CD36: variants seen among roughly 807,000 people sequenced by gnomAD.
CD36 encodes platelet glycoprotein 4.
In CD36, 119 loss-of-function variants were observed where a neutral mutation model predicts 55.2. That is an observed-to-expected ratio of 2.15 (90% CI 1.86 to 2.51). CD36 has a LOEUF of 2.51. CD36 is among the 30% of genes most tolerant of loss of function. CD36 has a pLI of 0.00. For synonymous variants in CD36, 186 were observed against 193.6 expected, an observed-to-expected ratio of 0.96 and a Z score of 0.33; for missense variants, 819 against 555.5, an observed-to-expected ratio of 1.47 and a Z score of -4.77.
Position 80,661,115 on chromosome 7 carries a change from GTC to G in CD36, c.338_339del (p.Ser113PhefsTer20), listed in dbSNP as rs760505238. ...NVTQDAEDNT[V>X]SFLQPNGAIF... The stretch of plus-strand genomic sequence containing the variant: ...AACCCAGGACGCTGAGGACAACACA[GTC>G]TCTTTCCTGCAGCCCAATGGTGCCA... On this transcript the variant is annotated frameshift_variant, in exon 5 of 15. Coordinates refer to ENST00000447544, the MANE Select transcript of CD36 (RefSeq NM_001001548.3). LOFTEE classifies it high-confidence loss of function. 65 of 1,613,824 alleles carry G rather than the reference GTC, an allele frequency of 4.0e-5. No individual in the cohort carries two copies. The Middle Eastern group carries it at 4.9e-4, about 12-fold the overall frequency.
chr7:80,612,760 C>G (rs1181744226), intron 1 of CD36, among the ~76,000 whole-genome samples: 5 of 151,992 alleles, frequency 3.3e-5, no homozygotes, highest in Non-Finnish European at 5.9e-5. Context: ...TATGTATTCA[C>G]TGTGTCTTAA....
upstream of CD36, chr7:80,638,567 T>G: frequency 6.9e-6 from 1 of 145,520 alleles, no homozygotes; most frequent in African/African-American, 2.5e-5. Context: ...CACTGTAGAG[T>G]GCTTTCTCTT....
chr7:80,659,166 A>C (rs1796326953), intron 4 of CD36, among the ~76,000 whole-genome samples: 1 of 152,178 alleles, frequency 6.6e-6, no homozygotes, highest in South Asian at 2.1e-4. Flanking sequence ...TTTAGAAAAA[A>C]AATTAACACT....
intron 6 of CD36, among the ~76,000 whole-genome samples, chr7:80,663,915 A>G (rs1175786965): frequency 1.3e-5 from 2 of 152,154 alleles, no homozygotes; most frequent in Non-Finnish European, 2.9e-5. Context: ...GTAGAAAGCC[A>G]TAATGAATCA....
At chr7:80,665,771 G>A (rs1438181749) in intron 7 of CD36, 2 of 152,060 alleles carry the variant, frequency 1.3e-5, no homozygotes, top group Non-Finnish European at 2.9e-5. Flanking sequence ...TCACTGTCAG[G>A]AGTGGAAAAA....
intron 1 of CD36, among the ~76,000 whole-genome samples, chr7:80,626,980 T>A: frequency 6.6e-6 from 1 of 152,032 alleles, no homozygotes; most frequent in East Asian, 1.9e-4. Flanking sequence ...TCCAACTTTT[T>A]GTTTTTATCA....
Position 80,661,847 on chromosome 7 carries a change from G to A in CD36, c.429+637G>A, listed in dbSNP as rs35268194. Among the ~76,000 whole-genome samples the A allele has an allele frequency of 2.0e-5, 3 of 152,226 alleles. No homozygotes were observed. In the South Asian group the frequency reaches 6.2e-4, roughly 32 times the overall value. ...GTCTATTGTTTGGAAAGTCGAATTC[G>A]GCTATTTGCTTGGGGCTCTAGAGAC... On this transcript the variant is annotated intron_variant, in intron 5 of 14. Coordinates refer to ENST00000447544, the MANE Select transcript of CD36 (RefSeq NM_001001548.3).
chr7:80,621,026 AT>A (rs1211314680), intron 1 of CD36, among the ~76,000 whole-genome samples: 2 of 152,156 alleles, frequency 1.3e-5, no homozygotes, highest in African/African-American at 4.8e-5. Flanking sequence ...GGCAAACTTT[AT>A]TGTCTCATTT....
chr7:80,661,196 A>G lies in CD36; in HGVS notation c.415A>G (p.Asn139Asp), dbSNP rs1395713119. 6.8e-6 allele frequency: 11 copies of G among 1,613,924 alleles called. No individual in the cohort carries two copies. Among genetic ancestry groups the G allele is most frequent in the African/African-American group, 4.0e-5 (3 of 74,934 alleles). Residue 139 changes from asparagine (N) to aspartate (D), a missense_variant, in exon 5 of 15, where the codon AAT (asparagine) becomes GAT (aspartate). Asn to Asp is a conservative substitution (Grantham distance 23). Coordinates refer to ENST00000447544, the MANE Select transcript of CD36 (RefSeq NM_001001548.3). Reference protein sequence around the residue: ...GTEADNFTVLNLAVAAASHIY... With the variant: ...GTEADNFTVLDLAVAAASHIY... ...AGAGGCTGACAACTTCACAGTTCTC[A>G]ATCTGGCTGTGGCAGTGAGTAGACA... is the stretch of plus-strand genomic sequence containing the variant.
rs1303903309 is a variant in CD36 at position 80,678,459 on chromosome 7, G to T, written c.*2076G>T. 6.6e-6 allele frequency: 1 copy of T among 152,142 alleles called. No individual in the cohort carries two copies. Among genetic ancestry groups the T allele is most frequent in the Non-Finnish European group, 1.5e-5 (1 of 68,022 alleles). The allele number at this position is 152,142 out of a possible 1,614,324, so 9.4% of individuals were successfully genotyped here. A position where few individuals can be genotyped will look rare whatever the true frequency, so the allele number is the denominator to read the frequency against. ...CTAACAAGTGCATGAAGAAATAGAA[G>T]AAGCTATGTAGCTTTCAGTTCTGAC... On this transcript the variant is annotated 3_prime_UTR_variant, in exon 15 of 15. Coordinates refer to ENST00000447544, the MANE Select transcript of CD36 (RefSeq NM_001001548.3).
Position 80,656,657 on chromosome 7 carries a change from A to T in CD36, c.238A>T (p.Ser80Cys). 2 of 1,613,808 alleles carry T rather than the reference A, an allele frequency of 1.2e-6. No individual in the cohort carries two copies. Among genetic ancestry groups the T allele is most frequent in the Non-Finnish European group, 8.5e-7 (1 of 1,179,788 alleles). The change falls in exon 4 of 15, where the codon AGC (serine) becomes TGC (cysteine). Residue 80 changes from serine (S) to cysteine (C), a missense_variant. Coordinates refer to ENST00000447544, the MANE Select transcript of CD36 (RefSeq NM_001001548.3). ...VQNPQEVMMN[S>C]SNIQVKQRGP... ...AAATCCACAGGAAGTGATGATGAAC[A>T]GCAGCAACATTCAAGTTAAGCAAAG...
chr7:80,640,047 G>A (rs901065338), intron 1 of CD36: 2 of 151,916 alleles, frequency 1.3e-5, no homozygotes, highest in Non-Finnish European at 2.9e-5. Context: ...CCCTGCATGT[G>A]TGTGTATTTC....
chr7:80,633,161 T>A (rs546258297), intron 1 of CD36: 1 of 152,148 alleles, frequency 6.6e-6, no homozygotes, highest in Non-Finnish European at 1.5e-5. Flanking sequence ...TTTCTTACCA[T>A]CATTTAAATG....
chr7:80,626,687 A>G (rs4728183), intron 1 of CD36, among the ~76,000 whole-genome samples: 70,069 of 151,866 alleles, frequency 0.46, 17,023 homozygotes, highest in Non-Finnish European at 0.54. Context: ...TTAATATACC[A>G]TGTAATCTGA....
intron 8 of CD36, 21 bp from the exon 9 acceptor site, chr7:80,669,932 T>G: frequency 6.3e-7 from 1 of 1,578,132 alleles, no homozygotes. Flanking sequence ...TCTAATCATT[T>G]GCCACTCGAT....
intron 5 of CD36, chr7:80,662,294 T>G (rs1023243371): frequency 9.7e-5 from 15 of 154,846 alleles, no homozygotes; most frequent in African/African-American, 3.6e-4. Context: ...TTCCTAAACA[T>G]TTTCCTGAAG....
chr7:80,638,539 C>T (rs917656491), upstream of CD36: 1 of 150,126 alleles, frequency 6.7e-6, no homozygotes, highest in Non-Finnish European at 1.5e-5. Context: ...TGGCAACAAA[C>T]CACACACTGG....
intron 1 of CD36, among the ~76,000 whole-genome samples, chr7:80,615,470 G>T (rs1486162874): frequency 6.6e-6 from 1 of 152,066 alleles, no homozygotes; most frequent in Non-Finnish European, 1.5e-5. Context: ...TATGCATGTT[G>T]TTCTTTCTGC....
chr7:80,668,972 C>CT (rs1173930614), intron 8 of CD36, among the ~76,000 whole-genome samples: 1 of 152,104 alleles, frequency 6.6e-6, no homozygotes, highest in African/African-American at 2.4e-5. Flanking sequence ...CAATAAATGA[C>CT]TTTTTTATAC....
Sources: allele counts gnomAD v4.1 joint callset (sites outside exome capture counted in the v4.1 genomes callset), GRCh38; gene constraint gnomAD v4.1.1; transcripts MANE v1.5; gene names NCBI Gene and HGNC (gene_info 2026-07-23, HGNC 2026-07-21).